Variants in TRIM33 observed in about 807,000 individuals in gnomAD.
TRIM33 encodes the protein E3 ubiquitin-protein ligase TRIM33.
TRIM33 carries 20 observed loss-of-function variants against 125.4 expected under a neutral mutation model. The ratio of observed to expected loss-of-function variants is 0.16; its 90% CI spans 0.11 to 0.23. TRIM33 has a LOEUF of 0.23. TRIM33 is among the 10% of genes least tolerant of loss of function. The probability of loss-of-function intolerance (pLI) is 1.00; values close to 1 mark genes in which losing one functional copy is unlikely to be tolerated. For missense variants in TRIM33, 920 were observed against 1,411.4 expected, an observed-to-expected ratio of 0.65 and a Z score of 5.58; for synonymous variants, 564 against 513.9, an observed-to-expected ratio of 1.10 and a Z score of -1.32.
intron 2 of TRIM33, 136 bp downstream of exon 2, chr1:114,464,134 C>A: frequency 3.9e-6 from 2 of 507,214 alleles, no homozygotes; most frequent in Non-Finnish European, 7.0e-6. Flanking sequence ...TATAAGAAAG[C>A]TATCTTTAAC....
chr1:114,431,901 ATGAT>A (rs1055677308), intron 5 of TRIM33, among the ~76,000 whole-genome samples: 8 of 152,232 alleles, frequency 5.3e-5, no homozygotes, highest in Non-Finnish European at 8.8e-5. Flanking sequence ...CAAATATAAA[ATGAT>A]TGGGCTGAAG....
intron 11 of TRIM33, among the ~76,000 whole-genome samples, chr1:114,414,989 A>ATTTTTTTTTTTTTT (rs56960865): frequency 1.2e-4 from 13 of 104,702 alleles, no homozygotes; most frequent in Non-Finnish European, 1.9e-4. Flanking sequence ...GGTAGATTCT[A>ATTTTTTTTTTTTTT]TTTTTTTTTT....
chr1:114,409,086 C>T (rs1039492159), intron 12 of TRIM33, among the ~76,000 whole-genome samples: 1 of 152,260 alleles, frequency 6.6e-6, no homozygotes, highest in African/African-American at 2.4e-5. Context: ...TCTTATTAAA[C>T]CTTAAAAATT....
chr1:114,423,114 T>C (rs1245860668), intron 10 of TRIM33, among the ~76,000 whole-genome samples: 3 of 152,202 alleles, frequency 2.0e-5, no homozygotes, highest in South Asian at 4.1e-4. Flanking sequence ...CAAAAGAGTT[T>C]TGTATCTTCT....
intron 4 of TRIM33, among the ~76,000 whole-genome samples, chr1:114,442,055 C>G (rs1348882076): frequency 6.6e-6 from 1 of 152,164 alleles, no homozygotes; most frequent in Non-Finnish European, 1.5e-5. Flanking sequence ...GTATCAGTCT[C>G]ATACAGACTA....
Position 114,419,795 on chromosome 1 carries a change from G to A in TRIM33, c.2061+1641C>T, listed in dbSNP as rs150404884. On this transcript the variant is annotated intron_variant, in intron 11 of 19. Transcript: ENST00000358465. ...GGGGATGGGTAATTATGTGAGATGA[G>A]GGATATGTTAATTTGTTTCACCATA... 2.4e-3 allele frequency among the ~76,000 whole-genome samples: 364 copies of A among 152,270 alleles called. 4 individuals carry two copies. The highest frequency in any genetic ancestry group is 8.2e-3 in the African/African-American group (341 of 41,540).
chr1:114,400,201 G>A (rs1380310426), intron 17 of TRIM33, among the ~76,000 whole-genome samples: 1 of 152,170 alleles, frequency 6.6e-6, no homozygotes, highest in Admixed American at 6.5e-5. Flanking sequence ...TTTATTGACT[G>A]ATTGACTAAT....
In TRIM33 at chr1:114,420,952, G is replaced by A. The variant is rs78457892; in HGVS notation, c.2061+484C>T. 8.9e-3 allele frequency among the ~76,000 whole-genome samples: 1,356 copies of A among 152,174 alleles called. 17 individuals are homozygous for A. The highest frequency in any genetic ancestry group is 0.031 in the African/African-American group (1,274 of 41,502). On this transcript the variant is annotated intron_variant, in intron 11 of 19. Transcript: ENST00000358465. ...GTTCATTTCAGCATTATCCACAATA[G>A]CCAAGATATGTAAGCAATCTAAATG...
At chr1:114,411,304 C>T (rs1652574063) in intron 11 of TRIM33, among the ~76,000 whole-genome samples, 1 of 152,078 alleles carries the variant, frequency 6.6e-6, no homozygotes, top group African/African-American at 2.4e-5. Flanking sequence ...CTTAGTCTCC[C>T]AAAGTACTGG....
rs553857685 is a variant in TRIM33 at position 114,470,529 on chromosome 1, C to T, written c.527-6141G>A. Among the ~76,000 whole-genome samples the T allele has an allele frequency of 1.6e-3, 244 of 152,198 alleles. 1 individual carries two copies. The highest frequency in any genetic ancestry group is 5.5e-3 in the African/African-American group (230 of 41,508). On this transcript the variant is annotated intron_variant, in intron 1 of 19. Coordinates refer to ENST00000358465, the MANE Select transcript of TRIM33 (RefSeq NM_015906.4). ...CTGTCTCTCTCCCTTTCTCAGGCCA[C>T]CCTAATGCCTGAGACCAAACAATAT...
chr1:114,427,028 TGA>T (rs1263421005), intron 8 of TRIM33, 147 bp downstream of exon 8: 5 of 485,938 alleles, frequency 1.0e-5, no homozygotes, highest in African/African-American at 4.0e-5. Flanking sequence ...ACAGCTAAAG[TGA>T]GTTTCCAATG....
rs570126278 is a variant in TRIM33 at position 114,471,922 on chromosome 1, T to C, written c.527-7534A>G. The stretch of plus-strand genomic sequence containing the variant: ...TACAGAAAATTATTGTATGTTTAGC[T>C]ACAAAACACATTTAGTGAAAAAAAC... On this transcript the variant is annotated intron_variant, in intron 1 of 19. Coordinates refer to ENST00000358465, the MANE Select transcript of TRIM33 (RefSeq NM_015906.4). Among the ~76,000 whole-genome samples the C allele has an allele frequency of 7.9e-5, 12 of 152,334 alleles. No homozygotes were observed. The East Asian group carries it at 2.1e-3, about 27-fold the overall frequency.
chr1:114,405,303 T>C (rs1297258176), intron 15 of TRIM33, 107 bp downstream of exon 15: 4 of 806,568 alleles, frequency 5.0e-6, no homozygotes, highest in Non-Finnish European at 5.9e-6. Context: ...CCCTGTTTTA[T>C]AGAAATACTA....
chr1:114,405,542 T>G lies in TRIM33; in HGVS notation c.2636A>C (p.Asn879Thr), dbSNP rs115576855. 3.7e-6 allele frequency: 6 copies of G among 1,614,112 alleles called. No homozygotes were observed. In the Admixed American group the frequency reaches 5.0e-5, roughly 13 times the overall value. Residue 879 changes from asparagine (N) to threonine (T), a missense_variant, in exon 15 of 20, where the codon AAC (asparagine) becomes ACC (threonine). By Grantham distance (65) the Asn-to-Thr change is moderately conservative (BLOSUM62 0). This residue lies in a region of TRIM33 where 407 missense variants were observed against 589.7 expected (regional missense o/e 0.69). Transcript: ENST00000358465. Reference protein sequence around the residue: ...HRSARIGGDGNNKDDDPNEDW... With the variant: ...HRSARIGGDGTNKDDDPNEDW... ...TTCATTTGGGTCATCATCTTTATTG[T>G]TGCCATCTCCTCCAATCCTTGCCGA...
intron 4 of TRIM33, among the ~76,000 whole-genome samples, chr1:114,462,033 A>G (rs902916069): frequency 1.3e-5 from 2 of 152,262 alleles, no homozygotes; most frequent in South Asian, 4.1e-4. Context: ...GGTTAAGAAG[A>G]GATCTGGAGT....
intron 5 of TRIM33, among the ~76,000 whole-genome samples, chr1:114,432,780 C>T (rs532873001): frequency 2.9e-4 from 44 of 151,240 alleles, no homozygotes; most frequent in Middle Eastern, 3.4e-3. Flanking sequence ...ACCGAGACTC[C>T]GTCTCAAAAA....
intron 4 of TRIM33, among the ~76,000 whole-genome samples, chr1:114,458,689 T>A (rs1649768064): frequency 6.6e-6 from 1 of 152,204 alleles, no homozygotes; most frequent in Non-Finnish European, 1.5e-5. Context: ...ACTCTGCAAT[T>A]ATTAAACTCT....
chr1:114,413,628 T>TA (rs34538412), intron 11 of TRIM33, among the ~76,000 whole-genome samples: 11,111 of 50,710 alleles, frequency 0.22, 1,216 homozygotes, highest in Non-Finnish European at 0.27. Flanking sequence ...AGCAAAACTG[T>TA]AAAAAAAAAA....
chr1:114,414,474 T>C (rs959166012), intron 11 of TRIM33, among the ~76,000 whole-genome samples: 3 of 152,200 alleles, frequency 2.0e-5, no homozygotes, highest in African/African-American at 7.2e-5. Context: ...CCTTCAGACC[T>C]TGTGGGATTT....
Sources: allele counts gnomAD v4.1 joint callset (sites outside exome capture counted in the v4.1 genomes callset), GRCh38; gene constraint gnomAD v4.1.1; regional missense constraint gnomAD v4.1.1; transcripts MANE v1.5; gene names NCBI Gene and HGNC (gene_info 2026-07-23, HGNC 2026-07-21).